LRCH3: variants seen among roughly 807,000 people sequenced by gnomAD.
LRCH3 encodes the protein leucine rich repeats and calponin homology domain containing 3.
LRCH3 carries 68 observed loss-of-function variants against 104.5 expected under a neutral mutation model. The observed-to-expected ratio is 0.65, with a 90% CI of 0.54 to 0.80. LRCH3 has a LOEUF of 0.80. LRCH3 is among the 30% of genes least tolerant of loss of function. The pLI, the probability that LRCH3 is intolerant of heterozygous loss-of-function variation, is 0.00. For synonymous variants in LRCH3, 344 were observed against 361.3 expected (o/e 0.95, Z 0.54); for missense variants, 951 against 953.9 (o/e 1.00, Z 0.04).
At chr3:197,862,701 T>C (rs1377587433) in intron 15 of LRCH3, among the ~76,000 whole-genome samples, 1 of 152,224 alleles carries the variant, frequency 6.6e-6, no homozygotes, top group Non-Finnish European at 1.5e-5. Flanking sequence ...GGCTTTTGCC[T>C]CATTTACCTG....
At position 197,817,164 on chromosome 3, in the gene LRCH3, T is replaced by TTA. The variant is rs759478091; in HGVS notation, c.408-11_408-10dup. On this transcript the variant is annotated splice_polypyrimidine_tract_variant and intron_variant, in intron 2 of 20. Transcript: ENST00000425562. ...GACTCTGATTCTTCTCTCTTTCTAC[T>TTA]TACCCATTTAGTCGGAACCAACTGT... The TTA allele has an allele frequency of 5.5e-5, 87 of 1,587,536 alleles. No homozygotes were observed. The highest frequency in any genetic ancestry group is 2.1e-5 in the Non-Finnish European group (24 of 1,167,892).
chr3:197,839,335 G>A lies in LRCH3; in HGVS notation c.1266G>A (p.Lys422=). Residue 422 remains lysine, a synonymous_variant, in exon 10 of 21, where the codon AAG becomes AAA. Transcript: ENST00000425562. ...RRISHEGSPV[K]PVAIREFQKT... ...CTCTGGCCTAGGGTTCACCAGTAAAGCCAGTAGCCATTAGGGAGTTTCAAA... is the reference window on the plus strand; with the variant it reads ...CTCTGGCCTAGGGTTCACCAGTAAAACCAGTAGCCATTAGGGAGTTTCAAA... 6.3e-7 allele frequency: 1 copy of A among 1,597,630 alleles called. No individual in the cohort carries two copies. Among genetic ancestry groups the A allele is most frequent in the Non-Finnish European group, 8.5e-7 (1 of 1,174,720 alleles).
intron 1 of LRCH3, among the ~76,000 whole-genome samples, chr3:197,798,379 G>A (rs540380874): frequency 2.0e-5 from 3 of 152,356 alleles, no homozygotes; most frequent in African/African-American, 7.2e-5. Context: ...CATAGCTGAA[G>A]CTTGAAGAAA....
chr3:197,856,444 A>G lies in LRCH3; in HGVS notation c.1644+1999A>G, dbSNP rs1319700073. Among the ~76,000 whole-genome samples the G allele has an allele frequency of 6.6e-6, 1 of 151,896 alleles. No individual in the cohort carries two copies. Among genetic ancestry groups the G allele is most frequent in the East Asian group, 1.9e-4 (1 of 5,186 alleles). ...TATTTATTTAATTATTTTGAGACAG[A>G]GTCTCCCTCTGTTGCCGAGGCTGGA... is the stretch of plus-strand genomic sequence containing the variant. On this transcript the variant is annotated intron_variant, in intron 14 of 20. Coordinates refer to ENST00000425562, the MANE Select transcript of LRCH3 (RefSeq NM_001365715.1). This position sits in a 1 kb window ranked among gnomAD's most constrained non-coding sequence, Gnocchi z 4.2.
Position 197,832,314 on chromosome 3 carries a change from G to A in LRCH3, c.1099G>A (p.Gly367Arg), listed in dbSNP as rs762464727. ...NRGSLVVTNG[G>R]VEHDLDQIDY... is the part of the protein sequence containing the mutation. Reference sequence around the variant, plus strand: ...CGGCAGTTTGGTAGTAACAAACGGCGGAGGTAAACATAATTCCGGTGACAG... The same window carrying A: ...CGGCAGTTTGGTAGTAACAAACGGCAGAGGTAAACATAATTCCGGTGACAG... Residue 367 changes from glycine (G) to arginine (R), a missense_variant, in exon 8 of 21, where the codon GGA (glycine) becomes AGA (arginine). Gly to Arg is a moderately radical substitution (Grantham distance 125). Transcript: ENST00000425562. 21 of 1,612,900 alleles carry A rather than the reference G, an allele frequency of 1.3e-5. No homozygotes were observed. The highest frequency in any genetic ancestry group is 5.0e-5 in the Admixed American group (3 of 59,952).
chr3:197,825,280 A>G (rs1735018970), intron 4 of LRCH3, among the ~76,000 whole-genome samples: 2 of 150,608 alleles, frequency 1.3e-5, no homozygotes, highest in South Asian at 4.2e-4. Context: ...GAGTTGTTTT[A>G]ATTTAATGTG....
chr3:197,803,922 A>G (rs1451375442), intron 1 of LRCH3, among the ~76,000 whole-genome samples: 2 of 152,116 alleles, frequency 1.3e-5, no homozygotes, highest in African/African-American at 4.8e-5. Flanking sequence ...CCCATATGAT[A>G]TGGGGCGACC....
At chr3:197,792,540 T>A (rs1730648197) in intron 1 of LRCH3, among the ~76,000 whole-genome samples, 1 of 117,574 alleles carries the variant, frequency 8.5e-6, no homozygotes, top group Non-Finnish European at 1.7e-5. Context: ...CCTGAGTAGC[T>A]GGGACTACAG....
intron 6 of LRCH3, 174 bp from the exon 7 acceptor site, chr3:197,830,591 GCTATT>G: frequency 1.8e-6 from 1 of 551,694 alleles, no homozygotes; most frequent in Non-Finnish European, 3.2e-6. Context: ...GAGGTCTCAT[GCTATT>G]CTGTTTGCTT....
chr3:197,846,618 A>G (rs1172988063), intron 10 of LRCH3, among the ~76,000 whole-genome samples: 2 of 150,930 alleles, frequency 1.3e-5, no homozygotes, highest in Non-Finnish European at 2.9e-5. Context: ...GACTGCAGTG[A>G]GCCATGATGA....
intron 14 of LRCH3, among the ~76,000 whole-genome samples, chr3:197,858,053 A>G (rs1740483610): frequency 6.6e-6 from 1 of 152,160 alleles, no homozygotes; most frequent in Non-Finnish European, 1.5e-5. Context: ...AGCTCTTGGC[A>G]TTTTGTTGTT....
intron 1 of LRCH3, among the ~76,000 whole-genome samples, chr3:197,794,677 C>T (rs945408988): frequency 6.6e-6 from 1 of 152,102 alleles, no homozygotes; most frequent in Non-Finnish European, 1.5e-5. Flanking sequence ...TTATTGGGAA[C>T]GTTTTCTTGG....
intron 9 of LRCH3, among the ~76,000 whole-genome samples, chr3:197,836,456 C>G (rs1205830993): frequency 6.6e-6 from 1 of 152,182 alleles, no homozygotes; most frequent in Admixed American, 6.5e-5. Context: ...ATCTTGTCAG[C>G]ATAATAAAAT....
chr3:197,870,277 A>G lies in LRCH3; in HGVS notation c.1991A>G (p.Lys664Arg). 1.2e-6 allele frequency: 2 copies of G among 1,612,210 alleles called. No homozygotes were observed. The highest frequency in any genetic ancestry group is 1.7e-6 in the Non-Finnish European group (2 of 1,178,452). Residue 664 changes from lysine to arginine, a missense_variant and splice_region_variant, in exon 18 of 21, where the codon AAA becomes AGA. By Grantham distance (26) the Lys-to-Arg change is conservative. Transcript: ENST00000425562. ...CTGGAATTAATAGACCAACTGCGTA[A>G]AGTATGTACATTACCTTTGATTTAC... Reference protein sequence around the residue: ...EELELIDQLRKHIEYRLKVSL... With the variant: ...EELELIDQLRRHIEYRLKVSL...
rs1467208356 is a variant in LRCH3 at position 197,861,583 on chromosome 3, C to T, written c.1716+2678C>T. Reference sequence around the variant, plus strand: ...AAGTCTTTTTTTTCTATCCGACCTGCTGTACTGTCAAATTATTATTTTAAA... The same window carrying T: ...AAGTCTTTTTTTTCTATCCGACCTGTTGTACTGTCAAATTATTATTTTAAA... On this transcript the variant is annotated intron_variant, in intron 15 of 20. Transcript: ENST00000425562. Among the ~76,000 whole-genome samples the T allele has an allele frequency of 3.9e-5, 6 of 152,146 alleles. No individual in the cohort carries two copies. In the East Asian group the frequency reaches 7.7e-4, roughly 20 times the overall value.
chr3:197,881,124 G>A (rs1328039835), intron 20 of LRCH3: 4 of 1,038,120 alleles, frequency 3.9e-6, no homozygotes, highest in Non-Finnish European at 4.6e-6. Flanking sequence ...GTTGAATTGT[G>A]GAGTGACTGA....
chr3:197,796,210 G>A (rs1731198026), intron 1 of LRCH3, among the ~76,000 whole-genome samples: 1 of 152,176 alleles, frequency 6.6e-6, no homozygotes, highest in African/African-American at 2.4e-5. Flanking sequence ...GGTGTATGAA[G>A]AGGACCAAGA....
chr3:197,835,900 A>G (rs1736729016), intron 9 of LRCH3, 78 bp downstream of exon 9: 3 of 1,464,868 alleles, frequency 2.0e-6, no homozygotes, highest in Non-Finnish European at 2.8e-6. Flanking sequence ...GTTTTGTTAT[A>G]TCAGTGATTT....
chr3:197,881,169 G>T (rs756749663), intron 20 of LRCH3: 39 of 1,009,320 alleles, frequency 3.9e-5, no homozygotes, highest in Non-Finnish European at 4.3e-5. Context: ...GAGAACCGTC[G>T]TGCCTTTTCT....
Sources: allele counts gnomAD v4.1 joint callset (sites outside exome capture counted in the v4.1 genomes callset), GRCh38; gene constraint gnomAD v4.1.1; non-coding constraint Gnocchi (gnomAD v3.1); transcripts MANE v1.5; gene names NCBI Gene and HGNC (gene_info 2026-07-23, HGNC 2026-07-21).